The following RGS12 variants were observed in gnomAD, a reference collection of about 807,000 sequenced individuals.
RGS12 encodes regulator of G-protein signaling 12.
A neutral mutation model predicts 120.1 loss-of-function variants in RGS12; 66 were observed. The observed-to-expected ratio is 0.55, with a 90% CI of 0.45 to 0.67. The LOEUF is 0.67. Among genes scored for constraint, RGS12 ranks in the 30% least tolerant of loss-of-function variants. RGS12 has a pLI of 0.00. For missense variants in RGS12, 1,859 were observed against 1,957.7 expected (o/e 0.95, Z 0.95); for synonymous variants, 827 against 804.7 (o/e 1.03, Z -0.47).
At chr4:3,412,445 G>T (rs1192687637) in intron 4 of RGS12, among the ~76,000 whole-genome samples, 1 of 152,194 alleles carries the variant, frequency 6.6e-6, no homozygotes, top group Non-Finnish European at 1.5e-5. Flanking sequence ...CCCCCTCCTG[G>T]TCTCTTTCTA....
At chr4:3,362,342 AGTGTGT>A (rs1269301135) in intron 3 of RGS12, among the ~76,000 whole-genome samples, 1 of 151,266 alleles carries the variant, frequency 6.6e-6, no homozygotes, top group African/African-American at 2.4e-5. Context: ...GAAGAGTGAG[AGTGTGT>A]GCGTGTGAGG....
At chr4:3,428,054 C>T (rs566493817) in intron 14 of RGS12, 36 bp from the exon 15 acceptor site, 13 of 1,578,896 alleles carry the variant, frequency 8.2e-6, no homozygotes, top group South Asian at 4.4e-5. Flanking sequence ...GATGGATTTG[C>T]GAGTCCCTGA....
chr4:3,362,807 G>C (rs1478419284), intron 3 of RGS12, among the ~76,000 whole-genome samples: 1 of 148,064 alleles, frequency 6.8e-6, no homozygotes, highest in Non-Finnish European at 1.5e-5. Context: ...GTGAATATGA[G>C]AGTGAGGGTG....
At chr4:3,393,050 A>C (rs1577038579) in intron 4 of RGS12, among the ~76,000 whole-genome samples, 1 of 152,338 alleles carries the variant, frequency 6.6e-6, no homozygotes, top group East Asian at 1.9e-4. Context: ...CTTAGATGCC[A>C]GTGCTATCAT....
chr4:3,427,272 G>A (rs971503938), intron 14 of RGS12, among the ~76,000 whole-genome samples: 2 of 152,238 alleles, frequency 1.3e-5, no homozygotes, highest in East Asian at 3.8e-4. Flanking sequence ...GCTTGTTTGT[G>A]TACAGGCAAG....
rs376449157 is a variant in RGS12 at position 3,370,268 on chromosome 4, A to G, written c.1999-16148A>G. ...GCCTAGTGTGGCTCGGTGCCTTACA[A>G]TGAATTTGGGGAAAGAGTTGTCAAA... On this transcript the variant is annotated intron_variant, in intron 3 of 17. Transcript: ENST00000336727. 9 of 1,613,860 alleles carry G rather than the reference A, an allele frequency of 5.6e-6. 1 individual carries two copies. The highest frequency in any genetic ancestry group is 6.8e-6 in the Non-Finnish European group (8 of 1,179,932).
intron 4 of RGS12, among the ~76,000 whole-genome samples, chr4:3,408,133 T>A (rs1721355042): frequency 6.6e-6 from 1 of 152,216 alleles, no homozygotes; most frequent in Non-Finnish European, 1.5e-5. Flanking sequence ...GGCAAGCCAC[T>A]GCAAGCAGGC....
At chr4:3,299,507 T>A (rs1182682377) in intron 1 of RGS12, among the ~76,000 whole-genome samples, 2 of 152,258 alleles carry the variant, frequency 1.3e-5, no homozygotes, top group Non-Finnish European at 2.9e-5. Flanking sequence ...GGTTTTTGTG[T>A]CTTGTGTCTG....
At chr4:3,427,969 G>T in intron 14 of RGS12, 121 bp from the exon 15 acceptor site, 2 of 920,388 alleles carry the variant, frequency 2.2e-6, no homozygotes, top group South Asian at 2.8e-5. Flanking sequence ...GTGAATAAGG[G>T]CAGCAGATGC....
In RGS12 at chr4:3,420,706, G is replaced by A; in HGVS notation, c.2826G>A (p.Gly942=). 6.2e-7 allele frequency: 1 copy of A among 1,612,468 alleles called. No homozygotes were observed. Among genetic ancestry groups the A allele is most frequent in the Non-Finnish European group, 8.5e-7 (1 of 1,179,996 alleles). Reference sequence around the variant, plus strand: ...CGCAGGGCTCTGTGTCCTCTGCGGGGAGCCTGGACCTGGTGAGTCACTGTC... The same window carrying A: ...CGCAGGGCTCTGTGTCCTCTGCGGGAAGCCTGGACCTGGTGAGTCACTGTC... ...RESQGSVSSA[G]SLDLSEACRT... is the part of the protein sequence containing the mutation. Residue 942 remains glycine, a synonymous_variant, in exon 10 of 18, where the codon GGG becomes GGA. Transcript: ENST00000336727.
At chr4:3,363,100 TGA>T (rs1349703433) in intron 3 of RGS12, among the ~76,000 whole-genome samples, 2 of 147,936 alleles carry the variant, frequency 1.4e-5, no homozygotes, top group African/African-American at 5.0e-5. Flanking sequence ...CGTGTGTATG[TGA>T]GTGTGTGTGT....
At chr4:3,312,081 T>A (rs61211078) in intron 1 of RGS12, among the ~76,000 whole-genome samples, 9,796 of 152,206 alleles carry the variant, frequency 0.064, 378 homozygotes, top group South Asian at 0.097. Context: ...TGCCCCAGAC[T>A]TACTAAGTCA....
At chr4:3,393,716 T>C (rs1471196130) in intron 4 of RGS12, among the ~76,000 whole-genome samples, 1 of 152,238 alleles carries the variant, frequency 6.6e-6, no homozygotes, top group Non-Finnish European at 1.5e-5. Flanking sequence ...ACTATTCTAC[T>C]GTCTGGCAGG....
Position 3,332,373 on chromosome 4 carries a change from A to C in RGS12, c.1882-10564A>C, listed in dbSNP as rs1408705845. 2.0e-5 allele frequency among the ~76,000 whole-genome samples: 3 copies of C among 152,182 alleles called. No homozygotes were observed. The East Asian group carries it at 5.8e-4, about 29-fold the overall frequency. On this transcript the variant is annotated intron_variant, in intron 2 of 17. Transcript: ENST00000336727. ...TCACTTCATGTTATTTCAGTGGTTT[A>C]TCCATGATGTTATTGGTAGTCACAG...
chr4:3,372,584 G>A lies in RGS12; in HGVS notation c.1999-13832G>A, dbSNP rs1243625995. ...TGCATCCACGCTGGCCCCCCCAGGTGTGCCCTGTGTGGCCGGCATGGAGGT... is the reference window on the plus strand; with the variant it reads ...TGCATCCACGCTGGCCCCCCCAGGTATGCCCTGTGTGGCCGGCATGGAGGT... On this transcript the variant is annotated intron_variant, in intron 3 of 17. Transcript: ENST00000336727. The surrounding 1 kb of genome is among the most constrained non-coding windows in gnomAD (Gnocchi z 4.3). 6.6e-6 allele frequency among the ~76,000 whole-genome samples: 1 copy of A among 152,262 alleles called. No homozygotes were observed. The highest frequency in any genetic ancestry group is 1.5e-5 in the Non-Finnish European group (1 of 68,038).
chr4:3,380,569 C>T (rs1382401107), intron 3 of RGS12, among the ~76,000 whole-genome samples: 1 of 152,228 alleles, frequency 6.6e-6, no homozygotes, highest in Non-Finnish European at 1.5e-5. Flanking sequence ...CATTTCCATG[C>T]ATCCTCTGAA....
At chr4:3,392,291 G>T (rs1364347352) in intron 4 of RGS12, among the ~76,000 whole-genome samples, 1 of 152,166 alleles carries the variant, frequency 6.6e-6, no homozygotes, top group East Asian at 1.9e-4. Context: ...TCTCCTTATT[G>T]TCGGTTTTCA....
intron 3 of RGS12, among the ~76,000 whole-genome samples, chr4:3,358,283 A>G (rs1486563844): frequency 2.6e-5 from 4 of 152,052 alleles, no homozygotes; most frequent in Admixed American, 6.5e-5. Context: ...CTGTGAACAG[A>G]GATAATTTTA....
chr4:3,425,375 G>A, intron 13 of RGS12, 89 bp from the exon 14 acceptor site: 1 of 1,171,842 alleles, frequency 8.5e-7, no homozygotes. Flanking sequence ...ATCAAGCCTA[G>A]GACAGTCATG....
Sources: allele counts gnomAD v4.1 joint callset (sites outside exome capture counted in the v4.1 genomes callset), GRCh38; gene constraint gnomAD v4.1.1; non-coding constraint Gnocchi (gnomAD v3.1); transcripts MANE v1.5; gene names NCBI Gene and HGNC (gene_info 2026-07-23, HGNC 2026-07-21).